ARHGAP28: variants seen among roughly 807,000 people sequenced by gnomAD.
ARHGAP28 encodes the protein rho GTPase-activating protein 28.
In ARHGAP28, 56 loss-of-function variants were observed where a neutral mutation model predicts 90.7. That is an observed-to-expected ratio of 0.62 (90% CI 0.50 to 0.77). The LOEUF (loss-of-function observed/expected upper bound fraction) is 0.77. Among genes scored for constraint, ARHGAP28 ranks in the 30% least tolerant of loss-of-function variants. The pLI is 0.00. For missense variants in ARHGAP28, 869 were observed against 900.9 expected (o/e 0.96, Z 0.45); for synonymous variants, 308 against 323.3 (o/e 0.95, Z 0.51).
At chr18:6,847,513 A>T (rs2143202652) in intron 3 of ARHGAP28, among the ~76,000 whole-genome samples, 1 of 152,218 alleles carries the variant, frequency 6.6e-6, no homozygotes, top group South Asian at 2.1e-4. Flanking sequence ...TGCATCAGGC[A>T]AGCAGAGGCC....
chr18:6,784,364 G>A (rs1467419869), intron 1 of ARHGAP28, among the ~76,000 whole-genome samples: 1 of 152,136 alleles, frequency 6.6e-6, no homozygotes, highest in Non-Finnish European at 1.5e-5. Flanking sequence ...CACTGCTTTA[G>A]GGAGCAAGTA....
chr18:6,750,296 G>C (rs2056058818), intron 1 of ARHGAP28, among the ~76,000 whole-genome samples: 1 of 152,144 alleles, frequency 6.6e-6, no homozygotes, highest in African/African-American at 2.4e-5. Flanking sequence ...GGTAATGTCA[G>C]CCTAAAACCC....
intron 3 of ARHGAP28, among the ~76,000 whole-genome samples, chr18:6,845,418 T>C (rs888657110): frequency 2.0e-5 from 3 of 152,216 alleles, no homozygotes; most frequent in African/African-American, 7.2e-5. Context: ...TGCATTTTTT[T>C]CTTCAGCTTT....
At chr18:6,801,943 C>A (rs1186998781) in intron 1 of ARHGAP28, among the ~76,000 whole-genome samples, 2 of 152,240 alleles carry the variant, frequency 1.3e-5, no homozygotes, top group East Asian at 3.9e-4. Context: ...CTGGTAACTA[C>A]CAGTCTACCC....
intron 1 of ARHGAP28, among the ~76,000 whole-genome samples, chr18:6,782,858 G>C (rs2056336628): frequency 6.6e-6 from 1 of 151,638 alleles, no homozygotes; most frequent in South Asian, 2.1e-4. Flanking sequence ...TTAGGAGCTG[G>C]CTATTTGGTC....
chr18:6,770,631 C>T (rs1181789814), intron 1 of ARHGAP28, among the ~76,000 whole-genome samples: 1 of 152,148 alleles, frequency 6.6e-6, no homozygotes, highest in Admixed American at 6.5e-5. Context: ...TGATATTTGT[C>T]AAGCCAGAGG....
At chr18:6,910,536 G>T (rs72892904) in intron 17 of ARHGAP28, among the ~76,000 whole-genome samples, 38,374 of 151,916 alleles carry the variant, frequency 0.25, 5,936 homozygotes, top group East Asian at 0.47. Flanking sequence ...CCCCCAGACA[G>T]CCTCACTTCT....
chr18:6,784,545 G>A (rs2056351679), intron 1 of ARHGAP28, among the ~76,000 whole-genome samples: 1 of 152,184 alleles, frequency 6.6e-6, no homozygotes, highest in Admixed American at 6.5e-5. Context: ...TCCACAAAGT[G>A]TTACTGATTC....
rs77044038 is a variant in ARHGAP28, at chr18:6,830,938, T to C, written c.325+5974T>C. Among the ~76,000 whole-genome samples, 221 of 152,332 alleles carry C rather than the reference T, an allele frequency of 1.5e-3. 5 individuals are homozygous for C. In the East Asian group the frequency reaches 0.039, roughly 27 times the overall value. ...TTGTGAAAGTCTTTTTGTATAGATA[T>C]GTTTTTATTTCTCTTGGATGTATGT... On this transcript the variant is annotated intron_variant, in intron 2 of 17. Coordinates refer to ENST00000383472, the MANE Select transcript of ARHGAP28 (RefSeq NM_001366230.1).
Position 6,868,227 on chromosome 18 carries a change from G to T in ARHGAP28, c.804G>T (p.Ala268=), listed in dbSNP as rs756753143. ...SPEPGQPVQN[A]ISDDDFLEKN... Reference sequence around the variant, plus strand: ...AGCCTGGACAGCCAGTTCAGAATGCGATAAGTGGTGAGCGGCATGCCTCCT... The same window carrying T: ...AGCCTGGACAGCCAGTTCAGAATGCTATAAGTGGTGAGCGGCATGCCTCCT... Residue 268 remains alanine, a synonymous_variant, in exon 6 of 18, where the codon GCG becomes GCT. Coordinates refer to ENST00000383472, the MANE Select transcript of ARHGAP28 (RefSeq NM_001366230.1). 6.2e-6 allele frequency: 10 copies of T among 1,614,000 alleles called. No individual in the cohort carries two copies. In the South Asian group the frequency reaches 1.1e-4, roughly 18 times the overall value.
chr18:6,905,756 A>T (rs1412932431), intron 16 of ARHGAP28, among the ~76,000 whole-genome samples: 1 of 152,156 alleles, frequency 6.6e-6, no homozygotes, highest in African/African-American at 2.4e-5. Flanking sequence ...TGTGGAAACC[A>T]AATTTAAAAC....
At chr18:6,800,332 C>T (rs2056472726) in intron 1 of ARHGAP28, among the ~76,000 whole-genome samples, 1 of 152,168 alleles carries the variant, frequency 6.6e-6, no homozygotes, top group African/African-American at 2.4e-5. Flanking sequence ...CCAGAAATAC[C>T]ATTTGACCTA....
intron 1 of ARHGAP28, among the ~76,000 whole-genome samples, chr18:6,784,871 G>C (rs1457157071): frequency 6.6e-6 from 1 of 152,148 alleles, no homozygotes; most frequent in South Asian, 2.1e-4. Context: ...AGCTTTGTTC[G>C]AATGTTACAT....
In ARHGAP28 at chr18:6,859,880, C is replaced by A. The variant is rs2056984266; in HGVS notation, c.709C>A (p.Pro237Thr). Residue 237 changes from proline to threonine, a missense_variant, in exon 5 of 18, where the codon CCC becomes ACC. Physicochemically the swap from Pro to Thr is conservative, Grantham distance 38. Coordinates refer to ENST00000383472, the MANE Select transcript of ARHGAP28 (RefSeq NM_001366230.1). Reference sequence around the variant, plus strand: ...GGATAAAGAAGGGAGTTTTGCGGTTCCCAGGAGTGACTCTGTGGTAAGTCA... The same window carrying A: ...GGATAAAGAAGGGAGTTTTGCGGTTACCAGGAGTGACTCTGTGGTAAGTCA... ...SQDKEGSFAV[P>T]RSDSVAILET... The A allele has an allele frequency of 6.2e-7, 1 of 1,614,116 alleles. No homozygotes were observed.
At chr18:6,822,026 A>G (rs1217192452) in intron 1 of ARHGAP28, among the ~76,000 whole-genome samples, 1 of 152,178 alleles carries the variant, frequency 6.6e-6, no homozygotes, top group Non-Finnish European at 1.5e-5. Context: ...GCAGCCATTG[A>G]GGTGGTATTA....
chr18:6,861,048 A>G (rs1357385306), intron 5 of ARHGAP28, among the ~76,000 whole-genome samples: 1 of 152,236 alleles, frequency 6.6e-6, no homozygotes, highest in African/African-American at 2.4e-5. Context: ...AAAGTCAGTC[A>G]TTCACAAAGT....
chr18:6,866,854 A>G (rs2057041748), intron 5 of ARHGAP28, among the ~76,000 whole-genome samples: 1 of 152,238 alleles, frequency 6.6e-6, no homozygotes, highest in South Asian at 2.1e-4. Flanking sequence ...TAAATAAATA[A>G]AAAAGTCTTA....
At position 6,894,096 on chromosome 18, in the gene ARHGAP28, C is replaced by T. The variant is rs139511784; in HGVS notation, c.1849-739C>T. 3.6e-3 allele frequency among the ~76,000 whole-genome samples: 543 copies of T among 151,980 alleles called. 5 individuals carry two copies. The highest frequency in any genetic ancestry group is 0.012 in the African/African-American group (502 of 41,492). On this transcript the variant is annotated intron_variant, in intron 14 of 17. Transcript: ENST00000383472. ...GTTAGCCAGGATGGTCTAGATCTCC[C>T]GATCTCATGATCTCCCTACCTTGGC...
At chr18:6,854,423 G>A (rs1022387154) in intron 4 of ARHGAP28, among the ~76,000 whole-genome samples, 24 of 152,122 alleles carry the variant, frequency 1.6e-4, no homozygotes, top group Admixed American at 1.4e-3. Flanking sequence ...ATCCTGGTCA[G>A]CACGTAGTGG....
Sources: gnomAD v4.1 joint callset for allele counts (sites outside exome capture counted in the v4.1 genomes callset) on GRCh38, gnomAD v4.1.1 for gene constraint, MANE v1.5 for transcripts, NCBI Gene and HGNC (gene_info 2026-07-23, HGNC 2026-07-21) for gene names.